The following KAT6A variants were observed in gnomAD, a reference collection of about 807,000 sequenced individuals.
KAT6A encodes histone acetyltransferase KAT6A.
KAT6A carries 9 observed loss-of-function variants against 198.4 expected under a neutral mutation model. The observed-to-expected ratio is 0.05, with a 90% CI of 0.03 to 0.08. The LOEUF is 0.08. Among genes scored for constraint, KAT6A ranks in the 10% least tolerant of loss-of-function variants. The probability of loss-of-function intolerance (pLI) is 1.00; values close to 1 mark genes in which losing one functional copy is unlikely to be tolerated. For missense variants in KAT6A, 2,077 were observed against 2,509.9 expected (o/e 0.83, Z 3.69); for synonymous variants, 890 against 883.0 (o/e 1.01, Z -0.14).
Position 41,941,353 on chromosome 8 carries a change from G to A in KAT6A, c.2528C>T (p.Ser843Phe). The part of the protein sequence containing the change: ...KKPEVMAPVS[S>F]TRLSKQVLPH... ...AAGGACTTGTTTGCTCAAACGTGTA[G>A]AACTGACTGGAGCCATAACTTCTGG... The change falls in exon 15 of 17, where the codon TCT becomes TTT. Residue 843 changes from serine (S) to phenylalanine (F), a missense_variant. Physicochemically the swap from Ser to Phe is radical, Grantham distance 155. Transcript: ENST00000265713. The A allele has an allele frequency of 1.2e-6, 2 of 1,612,242 alleles. No individual in the cohort carries two copies. The highest frequency in any genetic ancestry group is 1.7e-6 in the Non-Finnish European group (2 of 1,179,968).
At chr8:41,966,643 C>T (rs558043495) in intron 8 of KAT6A, among the ~76,000 whole-genome samples, 1 of 152,268 alleles carries the variant, frequency 6.6e-6, no homozygotes, top group Admixed American at 6.5e-5. Context: ...TGCGCCAATT[C>T]TCACACATCT....
chr8:42,036,339 G>A lies in KAT6A; in HGVS notation c.600+12039C>T, dbSNP rs141853755. The stretch of plus-strand genomic sequence containing the variant: ...AAGTTAAAGCAGAGAGGTTGGGCAC[G>A]ATGGCTCATGCCTGTAATCCCAGCA... On this transcript the variant is annotated intron_variant, in intron 2 of 16. Transcript: ENST00000265713. Among the ~76,000 whole-genome samples, 1,135 of 152,148 alleles carry A rather than the reference G, an allele frequency of 7.5e-3. 10 individuals carry two copies. The highest frequency in any genetic ancestry group is 0.01 in the Non-Finnish European group (695 of 67,998).
chr8:41,978,049 C>T (rs1824152669), intron 6 of KAT6A, among the ~76,000 whole-genome samples: 1 of 152,154 alleles, frequency 6.6e-6, no homozygotes, highest in East Asian at 1.9e-4. Flanking sequence ...TGAATCTTGC[C>T]CCACCTCCTC....
Position 42,005,859 on chromosome 8 carries a change from G to A in KAT6A, c.601-18296C>T, listed in dbSNP as rs113208074. ...AAGAACAACTGCAGAAAAGGGAACT[G>A]CCTTTGAAAAAAAGCCCATAATTAA... On this transcript the variant is annotated intron_variant, in intron 2 of 16. Coordinates refer to ENST00000265713, the MANE Select transcript of KAT6A (RefSeq NM_006766.5). Among the ~76,000 whole-genome samples the A allele has an allele frequency of 6.2e-3, 942 of 151,430 alleles. 9 individuals carry two copies. The highest frequency in any genetic ancestry group is 0.021 in the African/African-American group (882 of 41,242).
chr8:41,985,670 A>G (rs773912268), intron 3 of KAT6A, among the ~76,000 whole-genome samples: 3 of 152,178 alleles, frequency 2.0e-5, no homozygotes, highest in Admixed American at 6.5e-5. Context: ...CAGACACAGT[A>G]ACTCCTCAGA....
Position 41,933,369 on chromosome 8 carries a change from G to C in KAT6A, c.4851C>G (p.Ser1617Arg), listed in dbSNP as rs1291766238. Reference sequence around the variant, plus strand: ...GCTGGACGCTGCTCTGCTGCATCATGCTGCAGCTGCTGCCCATGCTGGCCA... The same window carrying C: ...GCTGGACGCTGCTCTGCTGCATCATCCTGCAGCTGCTGCCCATGCTGGCCA... ...QQMASMGSSC[S>R]MMQQSSVQPA... Residue 1617 changes from serine (S) to arginine (R), a missense_variant, in exon 17 of 17, where the codon AGC becomes AGG. By Grantham distance (110) the Ser-to-Arg change is moderately radical. Around this residue, in one of 13 missense-constraint regions of KAT6A, gnomAD observed 500 missense variants for 577.2 expected, o/e 0.87. Coordinates refer to ENST00000265713, the MANE Select transcript of KAT6A (RefSeq NM_006766.5). The surrounding 1 kb of genome is among the most constrained non-coding windows in gnomAD (Gnocchi z 6.2). The C allele has an allele frequency of 1.3e-6, 2 of 1,597,498 alleles. No homozygotes were observed. The highest frequency in any genetic ancestry group is 8.5e-7 in the Non-Finnish European group (1 of 1,174,428).
intron 15 of KAT6A, among the ~76,000 whole-genome samples, chr8:41,940,203 C>T (rs746559478): frequency 1.4e-4 from 21 of 152,180 alleles, no homozygotes; most frequent in African/African-American, 2.4e-4. Flanking sequence ...TTCTGGTAAA[C>T]GGCTTAACAG....
chr8:42,018,489 G>A (rs1164562281), intron 2 of KAT6A, among the ~76,000 whole-genome samples: 1 of 151,590 alleles, frequency 6.6e-6, no homozygotes, highest in South Asian at 2.1e-4. Context: ...TCCAGCCTGG[G>A]CAACAAGAGC....
intron 2 of KAT6A, among the ~76,000 whole-genome samples, chr8:42,027,973 T>C (rs1826918787): frequency 6.6e-6 from 1 of 152,198 alleles, no homozygotes; most frequent in Non-Finnish European, 1.5e-5. Context: ...GTAAGAAATT[T>C]TTTTTATTTC....
At chr8:41,944,591 C>G (rs1822287710) in intron 12 of KAT6A, among the ~76,000 whole-genome samples, 1 of 152,026 alleles carries the variant, frequency 6.6e-6, no homozygotes, top group Admixed American at 6.6e-5. Context: ...ATGGAGATGG[C>G]AGAGAAAGGT....
intron 2 of KAT6A, among the ~76,000 whole-genome samples, chr8:41,995,577 A>C (rs1825156371): frequency 6.6e-6 from 1 of 152,196 alleles, no homozygotes; most frequent in Non-Finnish European, 1.5e-5. Flanking sequence ...AATAATTTTT[A>C]ATCATAACCA....
intron 14 of KAT6A, chr8:41,942,026 T>C (rs1264610760): frequency 5.5e-6 from 1 of 183,008 alleles, no homozygotes; most frequent in African/African-American, 2.4e-5. Flanking sequence ...TTTTGAAAAA[T>C]TAAACTGCAC....
intron 8 of KAT6A, among the ~76,000 whole-genome samples, chr8:41,965,614 T>A (rs1191501863): frequency 6.6e-6 from 1 of 152,166 alleles, no homozygotes; most frequent in Non-Finnish European, 1.5e-5. Context: ...GTTCCTTCAA[T>A]CTACTTTAGT....
intron 8 of KAT6A, chr8:41,957,110 C>T (rs757036693): frequency 5.0e-6 from 3 of 604,628 alleles, no homozygotes; most frequent in Middle Eastern, 2.8e-4. Context: ...CTCTTCTAGG[C>T]GGATGCCCGA....
Position 41,933,579 on chromosome 8 carries a change from G to A in KAT6A, c.4641C>T (p.Asp1547=), listed in dbSNP as rs200259254. The change falls in exon 17 of 17, where the codon GAC becomes GAT. Residue 1547 remains aspartate, a synonymous_variant. Transcript: ENST00000265713. This position sits in a 1 kb window ranked among gnomAD's most constrained non-coding sequence, Gnocchi z 6.2. Reference sequence around the variant, plus strand: ...TGCTGCCCAGGTCACTGAAGCCGCTGTCCACCACCTGCTGAGAGTGGTCTG... The same window carrying A: ...TGCTGCCCAGGTCACTGAAGCCGCTATCCACCACCTGCTGAGAGTGGTCTG... ...SVSDHSQQVV[D]SGFSDLGSIE... 5 of 1,614,138 alleles carry A rather than the reference G, an allele frequency of 3.1e-6. No homozygotes were observed. The highest frequency in any genetic ancestry group is 4.2e-6 in the Non-Finnish European group (5 of 1,180,036).
chr8:41,977,245 A>C lies in KAT6A; in HGVS notation c.1126T>G (p.Ser376Ala), dbSNP rs372220602. Residue 376 changes from serine to alanine, a missense_variant, in exon 7 of 17, where the codon TCA (serine) becomes GCA (alanine). Ser to Ala is a moderately conservative substitution (Grantham distance 99). Coordinates refer to ENST00000265713, the MANE Select transcript of KAT6A (RefSeq NM_006766.5). ...RKITLSSQSA[S>A]SSSEEGYLER... ...AAATATCCTTCTTCTGATGATGATGATGCTGATTGGCTGGAAAGAGTGATT... is the reference window on the plus strand; with the variant it reads ...AAATATCCTTCTTCTGATGATGATGCTGCTGATTGGCTGGAAAGAGTGATT... The C allele has an allele frequency of 6.8e-6, 11 of 1,614,088 alleles. No individual in the cohort carries two copies. The highest frequency in any genetic ancestry group is 3.3e-5 in the South Asian group (3 of 91,096).
intron 8 of KAT6A, chr8:41,974,439 A>G (rs925307042): frequency 3.7e-6 from 1 of 270,312 alleles, no homozygotes; most frequent in Non-Finnish European, 6.8e-6. Context: ...CAAATCCCAA[A>G]TTCTTCTTCA....
intron 2 of KAT6A, among the ~76,000 whole-genome samples, chr8:42,019,112 G>T (rs948695788): frequency 6.6e-6 from 1 of 152,088 alleles, no homozygotes; most frequent in African/African-American, 2.4e-5. Context: ...AAAGTCATTT[G>T]ATCTCATCTG....
At chr8:41,976,351 T>C (rs1230143900) in intron 7 of KAT6A, among the ~76,000 whole-genome samples, 3 of 152,222 alleles carry the variant, frequency 2.0e-5, no homozygotes, top group Non-Finnish European at 4.4e-5. Context: ...AAGCTTTAAT[T>C]TATTGGACAG....
Sources: gnomAD v4.1 joint callset for allele counts (sites outside exome capture counted in the v4.1 genomes callset) on GRCh38, gnomAD v4.1.1 for gene constraint, gnomAD v4.1.1 regional missense constraint, Gnocchi (gnomAD v3.1) non-coding constraint, MANE v1.5 for transcripts, NCBI Gene and HGNC (gene_info 2026-07-23, HGNC 2026-07-21) for gene names.